The following YIF1B variants were observed in gnomAD, a reference collection of about 807,000 sequenced individuals.
The protein encoded by YIF1B is protein YIF1B.
Under a neutral mutation model 34.6 loss-of-function variants are expected in YIF1B, and 24 were observed. That is an observed-to-expected ratio of 0.69 (90% CI 0.50 to 0.98). The LOEUF is 0.98. Ranked by LOEUF, YIF1B falls within the 50% of genes least tolerant of loss-of-function variation. The probability of loss-of-function intolerance (pLI) is 0.00; values close to 1 mark genes in which losing one functional copy is unlikely to be tolerated. For missense variants in YIF1B, 368 were observed against 429.4 expected (o/e 0.86, Z 1.26); for synonymous variants, 186 against 184.8 (o/e 1.01, Z -0.05).
intron 1 of YIF1B, among the ~76,000 whole-genome samples, chr19:38,312,024 A>G (rs1261633226): frequency 2.0e-5 from 3 of 151,830 alleles, no homozygotes; most frequent in Non-Finnish European, 2.9e-5. Flanking sequence ...TTGAACCGGG[A>G]CCGGGGAGGT....
Position 38,305,054 on chromosome 19 carries a change from G to A in YIF1B, c.*298C>T. 11 of 1,534,382 alleles carry A rather than the reference G, an allele frequency of 7.2e-6. No individual in the cohort carries two copies. Among genetic ancestry groups the A allele is most frequent in the Non-Finnish European group, 8.8e-6 (10 of 1,138,142 alleles). ...TACTCTGGCCCGTCCCCAGCTCCCT[G>A]CCCCCTGCCCAGCGCTGGGCCCGCC... On this transcript the variant is annotated 3_prime_UTR_variant, in exon 8 of 8. Coordinates refer to ENST00000339413, the MANE Select transcript of YIF1B (RefSeq NM_001039672.3).
chr19:38,318,229 A>G (rs1017112437), upstream of YIF1B, among the ~76,000 whole-genome samples: 1 of 144,676 alleles, frequency 6.9e-6, no homozygotes, highest in South Asian at 2.2e-4. Context: ...AAGCAAGTTC[A>G]TTAGTTCATT....
At chr19:38,316,009 T>C (rs1969535677), upstream of YIF1B, 3 of 1,351,412 alleles carry the variant, frequency 2.2e-6, no homozygotes, top group Middle Eastern at 2.7e-4. Context: ...CCAATGGACG[T>C]CAGGATTGAG....
rs1425971707 is a variant in YIF1B at position 38,304,808 on chromosome 19, C to T, written c.*544G>A. The T allele has an allele frequency of 6.2e-7, 1 of 1,613,450 alleles. No individual in the cohort carries two copies. Among genetic ancestry groups the T allele is most frequent in the African/African-American group, 1.3e-5 (1 of 74,918 alleles). On this transcript the variant is annotated 3_prime_UTR_variant, in exon 8 of 8. Transcript: ENST00000339413. ...CCCTGTCTCGCTTCCAGCCCAGAAC[C>T]ATCTCTTCTCTCCCATCCCTGCCCT... is the stretch of plus-strand genomic sequence containing the variant.
intron 1 of YIF1B, among the ~76,000 whole-genome samples, chr19:38,314,192 ATTTTTTTT>A (rs544115864): frequency 2.4e-5 from 3 of 127,264 alleles, no homozygotes; most frequent in African/African-American, 6.0e-5. Context: ...CGCCCGGCTA[ATTTTTTTT>A]TTTTTTTTTT....
Position 38,304,387 on chromosome 19 carries a change from C to CT in YIF1B, c.*964_*965insA, listed in dbSNP as rs1968889991. 1.9e-6 allele frequency: 3 copies of CT among 1,581,354 alleles called. No individual in the cohort carries two copies. The highest frequency in any genetic ancestry group is 1.9e-5 in the Admixed American group (1 of 53,462). ...CTTCTCTCCACAGCCCTGGAGCCCA[C>CT]CTCCCAGAAGCCCGGTGTGGGGGCG... is the stretch of plus-strand genomic sequence containing the variant. On this transcript the variant is annotated 3_prime_UTR_variant, in exon 8 of 8. Transcript: ENST00000339413.
chr19:38,315,678 G>A, intron 1 of YIF1B, 182 bp downstream of exon 1: 1 of 1,598,216 alleles, frequency 6.3e-7, no homozygotes, highest in Non-Finnish European at 8.5e-7. Flanking sequence ...TTCTTCTAAA[G>A]GAATTTCCTA....
chr19:38,305,147 A>C lies in YIF1B; in HGVS notation c.*205T>G. 7.1e-7 allele frequency: 1 copy of C among 1,405,076 alleles called. No individual in the cohort carries two copies. Among genetic ancestry groups the C allele is most frequent in the South Asian group, 1.5e-5 (1 of 67,462 alleles). The allele number at this position is 1,405,076 out of a possible 1,614,324, so 87.0% of individuals were successfully genotyped here. A position where few individuals can be genotyped will look rare whatever the true frequency, so the allele number is the denominator to read the frequency against. On this transcript the variant is annotated 3_prime_UTR_variant, in exon 8 of 8. Coordinates refer to ENST00000339413, the MANE Select transcript of YIF1B (RefSeq NM_001039672.3). ...CATCAGGGTTTATTGTTTCTGTAAC[A>C]GCGGCCACGCCCTGGGGCGGTGGCC...
At chr19:38,316,327 GACCCT>G (rs1359821946), upstream of YIF1B, among the ~76,000 whole-genome samples, 1 of 150,100 alleles carries the variant, frequency 6.7e-6, no homozygotes, top group East Asian at 2.0e-4. Context: ...GCAACATAGT[GACCCT>G]CGCCCCGCCC....
chr19:38,320,331 C>A (rs1233519182), upstream of YIF1B: 2 of 1,564,964 alleles, frequency 1.3e-6, no homozygotes, highest in South Asian at 1.1e-5. Context: ...TCATCCTTAA[C>A]CCCTGGGGAC....
upstream of YIF1B, chr19:38,316,065 C>G (rs1036552576): frequency 3.3e-6 from 4 of 1,197,554 alleles, no homozygotes; most frequent in Non-Finnish European, 4.3e-6. Context: ...CCCCCCCCTT[C>G]ACGGAGGCCT....
At chr19:38,313,284 G>A (rs1048692623) in intron 1 of YIF1B, among the ~76,000 whole-genome samples, 6 of 104,676 alleles carry the variant, frequency 5.7e-5, no homozygotes, top group Non-Finnish European at 1.1e-4. Flanking sequence ...TTTTTGAGAC[G>A]GAGTCTCACT....
upstream of YIF1B, chr19:38,317,111 G>C (rs1969576276): frequency 6.6e-6 from 1 of 152,390 alleles, no homozygotes; most frequent in South Asian, 2.1e-4. Flanking sequence ...TCCACCAAAA[G>C]CATTCTACAA....
Position 38,309,218 on chromosome 19 carries a change from GC to G in YIF1B, c.402+5del. 6.2e-7 allele frequency: 1 copy of G among 1,613,702 alleles called. No individual in the cohort carries two copies. The highest frequency in any genetic ancestry group is 8.5e-7 in the Non-Finnish European group (1 of 1,179,800). On this transcript the variant is annotated splice_donor_5th_base_variant and intron_variant, in intron 3 of 7. Coordinates refer to ENST00000339413, the MANE Select transcript of YIF1B (RefSeq NM_001039672.3). ...TGCAGACCCACATTCCCCTGGGGGT[GC>G]TGACCTGGTGTAGGTAGGGGAAGAA...
upstream of YIF1B, chr19:38,320,190 T>C: frequency 6.2e-7 from 1 of 1,601,484 alleles, no homozygotes; most frequent in Non-Finnish European, 8.5e-7. Flanking sequence ...TTGCTAACGC[T>C]TCGGGGTCCG....
upstream of YIF1B, chr19:38,320,037 G>A (rs1396112044): frequency 3.3e-6 from 5 of 1,499,084 alleles, no homozygotes; most frequent in East Asian, 5.4e-5. Context: ...CGCGGCTGGA[G>A]GGGCCGCACG....
chr19:38,305,469 T>G lies in YIF1B; in HGVS notation c.828A>C (p.Ala276=), dbSNP rs1461875388. 1 of 1,607,812 alleles carries G rather than the reference T, an allele frequency of 6.2e-7. No homozygotes were observed. The highest frequency in any genetic ancestry group is 1.1e-5 in the South Asian group (1 of 90,826). ...CCCCACGCACCGGGACCCCCTCAGC[T>G]GCTGCGTCTGCCAAGATCTTCAGCC... The part of the protein sequence containing the change: ...TLRLKILADA[A]AEGVPVRGAR... Residue 276 remains alanine (A), a synonymous_variant, in exon 8 of 8, where the codon GCA becomes GCC. Coordinates refer to ENST00000339413, the MANE Select transcript of YIF1B (RefSeq NM_001039672.3).
chr19:38,312,289 C>T (rs925819097), intron 1 of YIF1B, among the ~76,000 whole-genome samples: 4 of 151,498 alleles, frequency 2.6e-5, no homozygotes, highest in Non-Finnish European at 5.9e-5. Context: ...TGGTGGCGTG[C>T]ACCTGTAGTC....
chr19:38,304,338 A>G lies in YIF1B; in HGVS notation c.*1014T>C. On this transcript the variant is annotated 3_prime_UTR_variant, in exon 8 of 8. Coordinates refer to ENST00000339413, the MANE Select transcript of YIF1B (RefSeq NM_001039672.3). ...TGCAGGGGGCCGGACTCAAGCCCAG[A>G]AGCTGCCTGCACCAACCACCCAACT... 6.2e-7 allele frequency: 1 copy of G among 1,611,076 alleles called. No individual in the cohort carries two copies. The highest frequency in any genetic ancestry group is 8.5e-7 in the Non-Finnish European group (1 of 1,179,222).
Sources: allele counts gnomAD v4.1 joint callset (sites outside exome capture counted in the v4.1 genomes callset), GRCh38; gene constraint gnomAD v4.1.1; transcripts MANE v1.5; gene names NCBI Gene and HGNC (gene_info 2026-07-23, HGNC 2026-07-21).